Variants in HS6ST3 observed in about 807,000 individuals in gnomAD.
HS6ST3 encodes the protein heparan sulfate 6-O-sulfotransferase 3.
Under a neutral mutation model 36.7 loss-of-function variants are expected in HS6ST3, and 12 were observed. The ratio of observed to expected loss-of-function variants is 0.33; its 90% confidence interval spans 0.21 to 0.53. The LOEUF is 0.53. HS6ST3 is among the 20% of genes least tolerant of loss of function. The pLI is 0.95. For synonymous variants in HS6ST3, 240 were observed against 257.5 expected (o/e 0.93, Z 0.65); for missense variants, 584 against 640.9 (o/e 0.91, Z 0.96).
At position 96,629,119 on chromosome 13, in the gene HS6ST3, T is replaced by G. The variant is rs2138999748; in HGVS notation, c.708-203371T>G. Among the ~76,000 whole-genome samples the G allele has an allele frequency of 3.3e-5, 5 of 152,328 alleles. No individual in the cohort carries two copies. In the South Asian group the frequency reaches 1.0e-3, roughly 32 times the overall value. On this transcript the variant is annotated intron_variant, in intron 1 of 1. Transcript: ENST00000376705. ...TTTTTAGCATTTACTGTGGATATGC[T>G]AAAATGCATAATTAGCACAATTTAA...
At chr13:96,267,776 C>T (rs2054699459) in intron 1 of HS6ST3, among the ~76,000 whole-genome samples, 1 of 151,978 alleles carries the variant, frequency 6.6e-6, no homozygotes, top group Non-Finnish European at 1.5e-5. Context: ...TCAAGAATTT[C>T]ATGTGGTGGA....
At chr13:96,140,138 A>G (rs1447302357) in intron 1 of HS6ST3, among the ~76,000 whole-genome samples, 2 of 152,192 alleles carry the variant, frequency 1.3e-5, no homozygotes, top group Non-Finnish European at 2.9e-5. Flanking sequence ...ATATACACAG[A>G]TCTATTATAA....
intron 1 of HS6ST3, among the ~76,000 whole-genome samples, chr13:96,268,740 G>T (rs1379028721): frequency 1.3e-5 from 2 of 151,932 alleles, no homozygotes; most frequent in African/African-American, 4.8e-5. Flanking sequence ...GAAATGGTTT[G>T]ATTTAATTAT....
chr13:96,172,429 T>C (rs1361136142), intron 1 of HS6ST3, among the ~76,000 whole-genome samples: 1 of 152,106 alleles, frequency 6.6e-6, no homozygotes, highest in Non-Finnish European at 1.5e-5. Flanking sequence ...GCTTAAAGTG[T>C]ACAGTTTGAG....
At chr13:96,573,808 G>T in intron 1 of HS6ST3, 1 of 383,352 alleles carries the variant, frequency 2.6e-6, no homozygotes, top group Non-Finnish European at 5.1e-6. Flanking sequence ...AGATAGGAGA[G>T]TGTGTTGGAC....
intron 1 of HS6ST3, among the ~76,000 whole-genome samples, chr13:96,355,397 ACAC>A (rs879738259): frequency 4.0e-3 from 572 of 142,814 alleles, no homozygotes; most frequent in Middle Eastern, 6.8e-3. Flanking sequence ...ACACACACAC[ACAC>A]ACAAACACAC....
At chr13:96,804,155 A>G (rs547823441) in intron 1 of HS6ST3, among the ~76,000 whole-genome samples, 9 of 152,252 alleles carry the variant, frequency 5.9e-5, no homozygotes, top group South Asian at 2.1e-4. Context: ...GCCAAAAAAA[A>G]AAAAAGAAAA....
At chr13:96,808,129 C>T (rs548487912) in intron 1 of HS6ST3, among the ~76,000 whole-genome samples, 1 of 152,170 alleles carries the variant, frequency 6.6e-6, no homozygotes, top group Non-Finnish European at 1.5e-5. Flanking sequence ...AAAGAGACCA[C>T]TGCCATACAG....
intron 1 of HS6ST3, among the ~76,000 whole-genome samples, chr13:96,462,129 G>C (rs965686066): frequency 1.3e-5 from 2 of 152,186 alleles, no homozygotes; most frequent in Non-Finnish European, 2.9e-5. Context: ...GAGTGCAGTA[G>C]TGTGATCATG....
At chr13:96,310,589 A>T (rs1283733877) in intron 1 of HS6ST3, among the ~76,000 whole-genome samples, 4 of 151,654 alleles carry the variant, frequency 2.6e-5, no homozygotes, top group East Asian at 2.0e-4. Flanking sequence ...CTCTCTTTCT[A>T]TCTCTGTCTC....
At chr13:96,614,297 C>CAAAAAAAAAAAAAAAAAAAAAAAAA in intron 1 of HS6ST3, among the ~76,000 whole-genome samples, 1 of 43,946 alleles carries the variant, frequency 2.3e-5, no homozygotes, top group Non-Finnish European at 3.8e-5. Flanking sequence ...GGATCCATCT[C>CAAAAAAAAAAAAAAAAAAAAAAAAA]AAAAAAAAAA....
chr13:96,424,555 G>A (rs1411362100), intron 1 of HS6ST3, among the ~76,000 whole-genome samples: 1 of 152,130 alleles, frequency 6.6e-6, no homozygotes, highest in Admixed American at 6.5e-5. Context: ...CACAGTTTGG[G>A]AGGCTGGGAA....
intron 1 of HS6ST3, among the ~76,000 whole-genome samples, chr13:96,388,602 TA>T (rs2055380248): frequency 6.6e-6 from 1 of 152,236 alleles, no homozygotes; most frequent in South Asian, 2.1e-4. Context: ...TATACTTTTT[TA>T]AAGTTCCTGG....
At chr13:96,551,785 C>T (rs546048128) in intron 1 of HS6ST3, among the ~76,000 whole-genome samples, 2 of 152,242 alleles carry the variant, frequency 1.3e-5, no homozygotes, top group East Asian at 3.9e-4. Flanking sequence ...TCGCCACCCG[C>T]CGGAGCATAC....
intron 1 of HS6ST3, among the ~76,000 whole-genome samples, chr13:96,495,648 C>T (rs893691080): frequency 2.6e-5 from 4 of 152,144 alleles, no homozygotes; most frequent in South Asian, 2.1e-4. Flanking sequence ...CATTTAATGA[C>T]GACTCTAATA....
chr13:96,734,163 ATC>A (rs1235835591), intron 1 of HS6ST3, among the ~76,000 whole-genome samples: 1 of 152,184 alleles, frequency 6.6e-6, no homozygotes, highest in African/African-American at 2.4e-5. Flanking sequence ...CACGAACCAG[ATC>A]TGTCATTTCA....
chr13:96,795,475 C>A (rs1019142555), intron 1 of HS6ST3, among the ~76,000 whole-genome samples: 1 of 152,078 alleles, frequency 6.6e-6, no homozygotes, highest in South Asian at 2.1e-4. Context: ...TCATCAGTGG[C>A]GGAAGCAGGA....
intron 1 of HS6ST3, among the ~76,000 whole-genome samples, chr13:96,723,554 T>G (rs1341302898): frequency 6.6e-6 from 1 of 152,220 alleles, no homozygotes; most frequent in Non-Finnish European, 1.5e-5. Context: ...CTGATAAAAC[T>G]TGCAGTAAAT....
At chr13:96,528,275 T>C (rs1287368974) in intron 1 of HS6ST3, among the ~76,000 whole-genome samples, 1 of 152,170 alleles carries the variant, frequency 6.6e-6, no homozygotes, top group African/African-American at 2.4e-5. Flanking sequence ...AAATTAGTTA[T>C]TCAGACTCAG....
Sources: allele counts gnomAD v4.1 joint callset (sites outside exome capture counted in the v4.1 genomes callset), GRCh38; gene constraint gnomAD v4.1.1; transcripts MANE v1.5; gene names NCBI Gene and HGNC (gene_info 2026-07-23, HGNC 2026-07-21).